Variants in LSAMP observed in about 807,000 individuals in gnomAD.
LSAMP encodes limbic system-associated membrane protein.
LSAMP carries 7 observed loss-of-function variants against 38.6 expected under a neutral mutation model. The observed-to-expected ratio is 0.18, with a 90% CI of 0.10 to 0.34. The LOEUF is 0.34. LSAMP is among the 10% of genes least tolerant of loss of function. LSAMP has a pLI of 1.00. For missense variants in LSAMP, 313 were observed against 420.0 expected, an observed-to-expected ratio of 0.75 and a Z score of 2.23; for synonymous variants, 154 against 166.8, an observed-to-expected ratio of 0.92 and a Z score of 0.59.
At chr3:116,275,254 T>C (rs35049642) in intron 1 of LSAMP, among the ~76,000 whole-genome samples, 20,878 of 151,978 alleles carry the variant, frequency 0.14, 2,250 homozygotes, top group African/African-American at 0.3. Flanking sequence ...GGTCTCACTA[T>C]GTTGTCCAGG....
At chr3:116,283,597 C>T (rs943998068) in intron 1 of LSAMP, among the ~76,000 whole-genome samples, 3 of 152,048 alleles carry the variant, frequency 2.0e-5, no homozygotes, top group Non-Finnish European at 2.9e-5. Flanking sequence ...CCAGAAAATT[C>T]CTGGTCAAGG....
chr3:115,997,234 A>G (rs1939840283), intron 3 of LSAMP, among the ~76,000 whole-genome samples: 1 of 152,158 alleles, frequency 6.6e-6, no homozygotes. Flanking sequence ...ATCTGTGAGC[A>G]GTAAATATGC....
intron 1 of LSAMP, among the ~76,000 whole-genome samples, chr3:116,287,165 ATG>A (rs1049455923): frequency 6.6e-6 from 1 of 151,910 alleles, no homozygotes; most frequent in South Asian, 2.1e-4. Flanking sequence ...GTATCTCTGT[ATG>A]TGTGTGTGTA....
At chr3:116,243,333 A>T (rs1047539155) in intron 1 of LSAMP, among the ~76,000 whole-genome samples, 2 of 152,194 alleles carry the variant, frequency 1.3e-5, no homozygotes, top group Non-Finnish European at 2.9e-5. Flanking sequence ...GGAGTCTGGG[A>T]ACCAAAGACA....
chr3:116,096,068 C>G (rs1209555169), intron 1 of LSAMP, among the ~76,000 whole-genome samples: 2 of 152,138 alleles, frequency 1.3e-5, no homozygotes, highest in African/African-American at 4.8e-5. Context: ...ATCATAGTAT[C>G]TACCTTGTTT....
intron 2 of LSAMP, among the ~76,000 whole-genome samples, chr3:116,049,967 T>A (rs1667485761): frequency 6.6e-6 from 1 of 152,222 alleles, no homozygotes; most frequent in Non-Finnish European, 1.5e-5. Context: ...ATTCTTTTGC[T>A]GGATACCCTC....
At position 116,265,482 on chromosome 3, in the gene LSAMP, C is replaced by T. The variant is rs780656869; in HGVS notation, c.156-178926G>A. 4.6e-5 allele frequency among the ~76,000 whole-genome samples: 7 copies of T among 152,258 alleles called. 1 individual carries two copies. Among genetic ancestry groups the T allele is most frequent in the African/African-American group, 7.2e-5 (3 of 41,542 alleles). ...ATCTGCTCTCGTATCCGAAGAAATT[C>T]GATAGCGTATACCCTGCCAGAACAT... On this transcript the variant is annotated intron_variant, in intron 1 of 6. Transcript: ENST00000490035.
chr3:115,987,069 G>C (rs898651345), intron 3 of LSAMP, among the ~76,000 whole-genome samples: 1 of 152,208 alleles, frequency 6.6e-6, no homozygotes, highest in Non-Finnish European at 1.5e-5. Flanking sequence ...TTAGGGAGAA[G>C]GGGACAGTAT....
At chr3:116,118,712 T>C (rs1708808935) in intron 1 of LSAMP, among the ~76,000 whole-genome samples, 1 of 152,152 alleles carries the variant, frequency 6.6e-6, no homozygotes, top group African/African-American at 2.4e-5. Context: ...CACACATGCC[T>C]GATAAAGAGT....
chr3:116,429,186 C>T (rs2049244516), intron 1 of LSAMP, among the ~76,000 whole-genome samples: 1 of 152,188 alleles, frequency 6.6e-6, no homozygotes, highest in South Asian at 2.1e-4. Context: ...GTCAGCTCTA[C>T]AGGAAAGAGA....
intron 1 of LSAMP, among the ~76,000 whole-genome samples, chr3:116,270,432 G>GACA (rs10662548): frequency 0.64 from 96,522 of 151,692 alleles, 35,578 homozygotes; most frequent in East Asian, 0.86. Context: ...TACTTCATTT[G>GACA]ACAACAATTG....
intron 1 of LSAMP, among the ~76,000 whole-genome samples, chr3:116,246,321 A>C (rs1465077042): frequency 6.6e-6 from 1 of 151,806 alleles, no homozygotes; most frequent in East Asian, 1.9e-4. Context: ...ATTTATGGGA[A>C]TACATAGGAG....
intron 1 of LSAMP, among the ~76,000 whole-genome samples, chr3:116,420,101 CT>C (rs374517771): frequency 0.015 from 2,216 of 143,530 alleles, 20 homozygotes; most frequent in Non-Finnish European, 0.022. Context: ...TTTTTCTTTT[CT>C]TTTTTTTTTT....
chr3:116,204,737 C>T (rs2046042411), intron 1 of LSAMP, among the ~76,000 whole-genome samples: 1 of 151,560 alleles, frequency 6.6e-6, no homozygotes, highest in South Asian at 2.1e-4. Context: ...TTTCTGAGGG[C>T]TCTGTTCTGT....
intron 1 of LSAMP, among the ~76,000 whole-genome samples, chr3:116,087,351 G>C (rs1301092211): frequency 6.6e-6 from 1 of 152,116 alleles, no homozygotes; most frequent in African/African-American, 2.4e-5. Flanking sequence ...AACTTAAAAG[G>C]GTCTCTTTCT....
chr3:116,422,838 T>C (rs550211477), intron 1 of LSAMP, among the ~76,000 whole-genome samples: 2 of 152,306 alleles, frequency 1.3e-5, no homozygotes, highest in Admixed American at 6.5e-5. Context: ...CCTTCAGAAA[T>C]GTCTTACCTG....
chr3:115,824,570 C>T (rs1443367803), intron 6 of LSAMP, among the ~76,000 whole-genome samples: 1 of 152,022 alleles, frequency 6.6e-6, no homozygotes, highest in Non-Finnish European at 1.5e-5. Context: ...GGTGTGGTGG[C>T]ATGCACCTGT....
intron 1 of LSAMP, among the ~76,000 whole-genome samples, chr3:116,147,715 C>G (rs906334043): frequency 2.0e-5 from 3 of 151,726 alleles, no homozygotes; most frequent in Non-Finnish European, 4.4e-5. Context: ...TCAAAAAATC[C>G]CAAGTAAGTG....
At chr3:116,422,723 A>G (rs1236369350) in intron 1 of LSAMP, among the ~76,000 whole-genome samples, 1 of 152,230 alleles carries the variant, frequency 6.6e-6, no homozygotes, top group Non-Finnish European at 1.5e-5. Flanking sequence ...ATTTTACACA[A>G]GTGAATTTTA....
Sources: allele counts gnomAD v4.1 joint callset (sites outside exome capture counted in the v4.1 genomes callset), GRCh38; gene constraint gnomAD v4.1.1; transcripts MANE v1.5; gene names NCBI Gene and HGNC (gene_info 2026-07-23, HGNC 2026-07-21).